Variants in SLC14A2 observed in about 807,000 individuals in gnomAD.
The protein encoded by SLC14A2 is solute carrier family 14 member 2, also known as urea transporter 2.
A neutral mutation model predicts 104.6 loss-of-function variants in SLC14A2; 91 were observed. The ratio of observed to expected loss-of-function variants is 0.87; its 90% CI spans 0.73 to 1.04. SLC14A2 has a LOEUF of 1.04. Among genes scored for constraint, SLC14A2 ranks in the 50% least tolerant of loss-of-function variants. The pLI, the probability that SLC14A2 is intolerant of heterozygous loss-of-function variation, is 0.00. For missense variants in SLC14A2, 1,189 were observed against 1,156.0 expected (o/e 1.03, Z -0.41); for synonymous variants, 476 against 466.4 (o/e 1.02, Z -0.27).
At chr18:45,285,982 T>C (rs1207589511) in intron 1 of SLC14A2, among the ~76,000 whole-genome samples, 1 of 152,196 alleles carries the variant, frequency 6.6e-6, no homozygotes, top group Non-Finnish European at 1.5e-5. Flanking sequence ...GCCTGGACAT[T>C]GCTAATTTTA....
At chr18:45,313,093 T>C (rs1006491352) in intron 1 of SLC14A2, among the ~76,000 whole-genome samples, 2 of 152,232 alleles carry the variant, frequency 1.3e-5, no homozygotes, top group Admixed American at 6.5e-5. Flanking sequence ...AGTTTAATGA[T>C]GTCCTTGGTC....
chr18:45,675,710 T>TATATATATATATATCTATATATATATATA (rs1555639293), intron 18 of SLC14A2, among the ~76,000 whole-genome samples: 2 of 46,218 alleles, frequency 4.3e-5, no homozygotes, highest in African/African-American at 1.3e-4. Flanking sequence ...TATATATATA[T>TATATATATATATATCTATATATATATATA]TTTTTTTTTT....
At chr18:45,425,940 T>TTCTCC (rs1353528348) in intron 1 of SLC14A2, among the ~76,000 whole-genome samples, 2 of 152,136 alleles carry the variant, frequency 1.3e-5, no homozygotes, top group African/African-American at 4.8e-5. Context: ...GAAAAGGTGC[T>TTCTCC]TCTCCTCCAT....
chr18:45,248,288 C>T (rs1042208033), intron 1 of SLC14A2, among the ~76,000 whole-genome samples: 3 of 152,088 alleles, frequency 2.0e-5, no homozygotes, highest in Admixed American at 6.5e-5. Flanking sequence ...CCCATTTTAT[C>T]GTCCCATAGC....
the SLC14A2 span, among the ~76,000 whole-genome samples, chr18:45,177,960 T>C: frequency 6.6e-6 from 1 of 152,184 alleles, no homozygotes; most frequent in Non-Finnish European, 1.5e-5. Context: ...TTATAGAAGA[T>C]GGAGAAGTTC....
At chr18:45,460,873 G>C (rs1462295363) in intron 1 of SLC14A2, among the ~76,000 whole-genome samples, 1 of 152,186 alleles carries the variant, frequency 6.6e-6, no homozygotes, top group African/African-American at 2.4e-5. Context: ...TTCACAGTGT[G>C]ACTTAGAAGC....
At chr18:45,358,776 C>T (rs1173249773) in intron 1 of SLC14A2, among the ~76,000 whole-genome samples, 1 of 152,110 alleles carries the variant, frequency 6.6e-6, no homozygotes, top group African/African-American at 2.4e-5. Context: ...AGATGGTGAT[C>T]TTGCTATGTT....
intron 1 of SLC14A2, among the ~76,000 whole-genome samples, chr18:45,448,744 A>G (rs1019489891): frequency 6.6e-6 from 1 of 152,146 alleles, no homozygotes; most frequent in African/African-American, 2.4e-5. Context: ...ATCTTCATTC[A>G]TGTATTTATT....
At chr18:45,445,694 G>C (rs2086756934) in intron 1 of SLC14A2, among the ~76,000 whole-genome samples, 1 of 152,204 alleles carries the variant, frequency 6.6e-6, no homozygotes, top group South Asian at 2.1e-4. Flanking sequence ...CTACAGATTA[G>C]GTTAGATGAG....
At chr18:45,588,418 C>G (rs190670109) in intron 2 of SLC14A2, among the ~76,000 whole-genome samples, 3 of 152,194 alleles carry the variant, frequency 2.0e-5, no homozygotes, top group Non-Finnish European at 4.4e-5. Context: ...GAGTTTCTCC[C>G]ACCCACATGG....
At chr18:45,318,713 G>A (rs565545206) in intron 1 of SLC14A2, among the ~76,000 whole-genome samples, 36 of 151,978 alleles carry the variant, frequency 2.4e-4, no homozygotes, top group Non-Finnish European at 4.0e-4. Context: ...CTTGAACCCA[G>A]GAGGTGGAAG....
intron 1 of SLC14A2, among the ~76,000 whole-genome samples, chr18:45,341,863 C>T (rs1307513052): frequency 6.6e-6 from 1 of 152,088 alleles, no homozygotes; most frequent in African/African-American, 2.4e-5. Flanking sequence ...GCTGGGATTA[C>T]AGGCACGAGC....
chr18:45,372,591 T>C (rs148817196), intron 1 of SLC14A2, among the ~76,000 whole-genome samples: 2 of 152,134 alleles, frequency 1.3e-5, no homozygotes, highest in African/African-American at 4.8e-5. Context: ...TCTCAAACTT[T>C]CGTGTGCATA....
chr18:45,259,669 A>G (rs758791417), intron 1 of SLC14A2, among the ~76,000 whole-genome samples: 5 of 152,212 alleles, frequency 3.3e-5, no homozygotes, highest in Non-Finnish European at 7.3e-5. Flanking sequence ...CTTCAAGGGC[A>G]CTGAAGGAGC....
At chr18:45,656,779 G>A (rs543832006) in intron 10 of SLC14A2, among the ~76,000 whole-genome samples, 145 of 152,266 alleles carry the variant, frequency 9.5e-4, no homozygotes, top group African/African-American at 3.3e-3. Context: ...CTTCCCCATG[G>A]AATAAGCCAA....
chr18:45,390,717 C>T (rs1190005768), intron 1 of SLC14A2, among the ~76,000 whole-genome samples: 1 of 152,152 alleles, frequency 6.6e-6, no homozygotes, highest in African/African-American at 2.4e-5. Context: ...AGGGAATGAT[C>T]ACAATTGCTA....
intron 1 of SLC14A2, among the ~76,000 whole-genome samples, chr18:45,289,895 C>T (rs1030991672): frequency 1.1e-4 from 16 of 152,102 alleles, no homozygotes; most frequent in African/African-American, 3.1e-4. Flanking sequence ...ACTCAGTGGC[C>T]TGATAGATGA....
At chr18:45,355,811 G>A (rs2085548257) in intron 1 of SLC14A2, among the ~76,000 whole-genome samples, 1 of 152,076 alleles carries the variant, frequency 6.6e-6, no homozygotes. Flanking sequence ...AGGGAGCATG[G>A]TCATATTTGA....
intron 1 of SLC14A2, among the ~76,000 whole-genome samples, chr18:45,215,905 G>T (rs1230604092): frequency 6.6e-6 from 1 of 152,130 alleles, no homozygotes; most frequent in Non-Finnish European, 1.5e-5. Context: ...AGGCAGGGAA[G>T]AAACGAAATC....
Sources: allele counts gnomAD v4.1 joint callset (sites outside exome capture counted in the v4.1 genomes callset), GRCh38; gene constraint gnomAD v4.1.1; transcripts MANE v1.5; gene names NCBI Gene and HGNC (gene_info 2026-07-23, HGNC 2026-07-21).